The following CIB3 variants were observed in gnomAD, a reference collection of about 807,000 sequenced individuals.
The protein encoded by CIB3 is calcium and integrin-binding family member 3.
Under a neutral mutation model 23.4 loss-of-function variants are expected in CIB3, and 22 were observed. The observed-to-expected ratio is 0.94, with a 90% CI of 0.67 to 1.34. CIB3 has a LOEUF of 1.34. CIB3 is among the 40% of genes most tolerant of loss of function. CIB3 has a pLI of 0.00. For missense variants in CIB3, 258 were observed against 247.3 expected (o/e 1.04, Z -0.29); for synonymous variants, 93 against 95.8 (o/e 0.97, Z 0.17).
At chr19:16,163,042 A>G (rs2091291597) in intron 5 of CIB3, among the ~76,000 whole-genome samples, 1 of 151,166 alleles carries the variant, frequency 6.6e-6, no homozygotes, top group Non-Finnish European at 1.5e-5. Flanking sequence ...GGTGTGCCCC[A>G]CCATGCCCAG....
intron 1 of CIB3, 70 bp from the exon 2 acceptor site, chr19:16,173,266 AC>A: frequency 1.2e-6 from 2 of 1,607,710 alleles, no homozygotes; most frequent in Non-Finnish European, 1.7e-6. Context: ...TCCTCCCTCC[AC>A]CCCACACTCA....
At chr19:16,165,823 AT>A (rs1366383326) in intron 4 of CIB3, among the ~76,000 whole-genome samples, 1 of 152,218 alleles carries the variant, frequency 6.6e-6, no homozygotes. Flanking sequence ...TCATACAAGT[AT>A]TTATTGAGCA....
intron 2 of CIB3, among the ~76,000 whole-genome samples, chr19:16,171,818 G>A (rs961926104): frequency 6.6e-6 from 1 of 152,200 alleles, no homozygotes. Context: ...CAAACAATGG[G>A]GCTCACTAGT....
chr19:16,173,392 A>G, intron 1 of CIB3, 33 bp downstream of exon 1: 1 of 1,607,418 alleles, frequency 6.2e-7, no homozygotes, highest in Non-Finnish European at 8.5e-7. Flanking sequence ...AAAGTTGTCA[A>G]ACCCACTGAG....
intron 4 of CIB3, 145 bp downstream of exon 4, chr19:16,167,992 G>A (rs1397839538): frequency 3.0e-6 from 3 of 990,552 alleles, no homozygotes; most frequent in Non-Finnish European, 2.9e-6. Context: ...TAAATGAGGT[G>A]GGGAGGCATT....
At chr19:16,165,446 CTT>C (rs71178646) in intron 4 of CIB3, among the ~76,000 whole-genome samples, 4 of 149,802 alleles carry the variant, frequency 2.7e-5, no homozygotes, top group East Asian at 3.9e-4. Flanking sequence ...TTCATTCGTT[CTT>C]TTTTTTTTTC....
intron 2 of CIB3, among the ~76,000 whole-genome samples, chr19:16,170,838 A>C (rs2091324918): frequency 6.7e-6 from 1 of 148,916 alleles, no homozygotes; most frequent in African/African-American, 2.5e-5. Flanking sequence ...AAAAAAAGAA[A>C]AGAAAAAAGA....
At chr19:16,164,080 C>G (rs1262928281) in intron 5 of CIB3, among the ~76,000 whole-genome samples, 1 of 152,178 alleles carries the variant, frequency 6.6e-6, no homozygotes, top group Non-Finnish European at 1.5e-5. Flanking sequence ...AAGCAATCCT[C>G]CCGCCTCAGC....
intron 2 of CIB3, among the ~76,000 whole-genome samples, chr19:16,171,050 A>C (rs1404241454): frequency 1.3e-5 from 2 of 151,862 alleles, no homozygotes; most frequent in Non-Finnish European, 2.9e-5. Flanking sequence ...AGGCAGGACA[A>C]TGGTGTGAAC....
At position 16,161,392 on chromosome 19, in the gene CIB3, T is replaced by G. The variant is rs962817787; in HGVS notation, c.*73A>C. On this transcript the variant is annotated 3_prime_UTR_variant, in exon 6 of 6. Coordinates refer to ENST00000269878, the MANE Select transcript of CIB3 (RefSeq NM_054113.4). ...GTGTGACTCAGTGACTTGTGTTTAT[T>G]CTCAGAAACCAGAGTCCACAGCGGG... 1.8e-4 allele frequency: 267 copies of G among 1,486,430 alleles called. 1 individual carries two copies. Among genetic ancestry groups the G allele is most frequent in the Middle Eastern group, 8.6e-4 (5 of 5,832 alleles). 92.1% of individuals were successfully genotyped at this position (1,486,430 alleles called of 1,614,324 possible). A position where few individuals can be genotyped will look rare whatever the true frequency, so the allele number is the denominator to read the frequency against.
In CIB3 at chr19:16,173,448, G is replaced by A; in HGVS notation, c.28C>T (p.His10Tyr). 6.2e-7 allele frequency: 1 copy of A among 1,614,070 alleles called. No individual in the cohort carries two copies. Residue 10 changes from histidine (H) to tyrosine (Y), a missense_variant, in exon 1 of 6, where the codon CAC becomes TAC. His to Tyr is a moderately conservative substitution (Grantham distance 83, BLOSUM62 2). Coordinates refer to ENST00000269878, the MANE Select transcript of CIB3 (RefSeq NM_054113.4). MGNKQTVFT[H>Y]EQLEAYQDCT... ...ACCTGATACGCTTCCAGCTGCTCGT[G>A]TGTGAAGACTGTCTGCTTGTTGCCC...
Position 16,161,381 on chromosome 19 carries a change from C to T in CIB3, c.*84G>A, listed in dbSNP as rs377393897. ...CCTCCCAGCAGGTGTGACTCAGTGA[C>T]TTGTGTTTATTCTCAGAAACCAGAG... is the stretch of plus-strand genomic sequence containing the variant. On this transcript the variant is annotated 3_prime_UTR_variant, in exon 6 of 6. Coordinates refer to ENST00000269878, the MANE Select transcript of CIB3 (RefSeq NM_054113.4). 5.3e-5 allele frequency: 74 copies of T among 1,389,096 alleles called. No individual in the cohort carries two copies. Among genetic ancestry groups the T allele is most frequent in the Non-Finnish European group, 7.0e-5 (68 of 975,078 alleles). 86.0% of individuals were successfully genotyped at this position (1,389,096 alleles called of 1,614,324 possible). A position where few individuals can be genotyped will look rare whatever the true frequency, so the allele number is the denominator to read the frequency against.
chr19:16,167,692 C>T (rs1393827455), intron 4 of CIB3, among the ~76,000 whole-genome samples: 2 of 151,942 alleles, frequency 1.3e-5, no homozygotes, highest in East Asian at 1.9e-4. Flanking sequence ...ATTAGCCAGG[C>T]GTGATGGCAC....
intron 2 of CIB3, among the ~76,000 whole-genome samples, chr19:16,171,011 G>A (rs563707085): frequency 5.3e-5 from 8 of 151,596 alleles, no homozygotes; most frequent in Non-Finnish European, 8.8e-5. Context: ...GGTGGTGGGC[G>A]CCTGTAGTCC....
At position 16,173,022 on chromosome 19, in the gene CIB3, GAA is replaced by G. The variant is rs1366007017; in HGVS notation, c.86+138_86+139del. ...GGGAGAGAGAGAGAGAAAAGAGAAA[GAA>G]AGAAAGAAAGACTACTTACACACAC... On this transcript the variant is annotated intron_variant, in intron 2 of 5. Coordinates refer to ENST00000269878, the MANE Select transcript of CIB3 (RefSeq NM_054113.4). 3,485 of 1,135,590 alleles carry G rather than the reference GAA, an allele frequency of 3.1e-3. 24 individuals carry two copies. Among genetic ancestry groups the G allele is most frequent in the Non-Finnish European group, 3.6e-3 (2,758 of 776,790 alleles). 70.3% of individuals were successfully genotyped at this position (1,135,590 alleles called of 1,614,324 possible). A position where few individuals can be genotyped will look rare whatever the true frequency, so the allele number is the denominator to read the frequency against.
intron 3 of CIB3, 116 bp downstream of exon 3, chr19:16,169,514 G>T: frequency 1.1e-6 from 1 of 925,286 alleles, no homozygotes; most frequent in Non-Finnish European, 1.7e-6. Context: ...TAACCTCTCT[G>T]AGTCTCAGTT....
At chr19:16,162,985 G>T (rs1309917194) in intron 5 of CIB3, among the ~76,000 whole-genome samples, 9 of 148,940 alleles carry the variant, frequency 6.0e-5, no homozygotes, top group African/African-American at 2.0e-4. Flanking sequence ...CCAGGTTCGG[G>T]TTCAAGTTAC....
intron 5 of CIB3, among the ~76,000 whole-genome samples, chr19:16,161,803 G>A (rs181807586): frequency 5.8e-4 from 83 of 144,044 alleles, no homozygotes; most frequent in African/African-American, 1.9e-3. Context: ...TCAGCCTCCC[G>A]AGTAGCTAGG....
intron 4 of CIB3, 127 bp downstream of exon 4, chr19:16,168,010 G>T: frequency 8.4e-7 from 1 of 1,194,074 alleles, no homozygotes; most frequent in Non-Finnish European, 1.2e-6. Flanking sequence ...ATTGGAGTGG[G>T]GTGGAGGACA....
Sources: gnomAD v4.1 joint callset for allele counts (sites outside exome capture counted in the v4.1 genomes callset) on GRCh38, gnomAD v4.1.1 for gene constraint, MANE v1.5 for transcripts, NCBI Gene and HGNC (gene_info 2026-07-23, HGNC 2026-07-21) for gene names.